The following FGF14 variants were observed in gnomAD, a reference collection of about 807,000 sequenced individuals.
The protein encoded by FGF14 is fibroblast growth factor 14, also known as fibroblast growth factor homologous factor 4.
Under a neutral mutation model 25.5 loss-of-function variants are expected in FGF14, and 5 were observed. The ratio of observed to expected loss-of-function variants is 0.20; its 90% confidence interval spans 0.10 to 0.41. FGF14 has a LOEUF of 0.41. Ranked by LOEUF, FGF14 falls within the 10% of genes least tolerant of loss-of-function variation. The pLI is 1.00. For synonymous variants in FGF14, 138 were observed against 118.3 expected, an observed-to-expected ratio of 1.17 and a Z score of -1.08; for missense variants, 222 against 320.1, an observed-to-expected ratio of 0.69 and a Z score of 2.34.
At chr13:102,361,014 C>T (rs2057549480) in intron 1 of FGF14, among the ~76,000 whole-genome samples, 1 of 151,990 alleles carries the variant, frequency 6.6e-6, no homozygotes, top group African/African-American at 2.4e-5. Flanking sequence ...ATATCCCTGT[C>T]TAAATTGGAG....
At chr13:102,056,089 G>T (rs1301623489) in intron 1 of FGF14, among the ~76,000 whole-genome samples, 1 of 152,200 alleles carries the variant, frequency 6.6e-6, no homozygotes, top group Non-Finnish European at 1.5e-5. Context: ...GATGAGATTT[G>T]GGTGGGGACA....
intron 1 of FGF14, among the ~76,000 whole-genome samples, chr13:101,878,599 A>C (rs925406426): frequency 1.1e-4 from 16 of 152,172 alleles, no homozygotes. Flanking sequence ...ACAAATAACA[A>C]AGATGAGATT....
At chr13:102,112,084 ATT>A (rs1566700233) in intron 1 of FGF14, among the ~76,000 whole-genome samples, 1 of 152,202 alleles carries the variant, frequency 6.6e-6, no homozygotes, top group African/African-American at 2.4e-5. Context: ...TTTATTAAGC[ATT>A]TGTTTATTAA....
intron 1 of FGF14, among the ~76,000 whole-genome samples, chr13:101,903,548 T>C (rs1036779102): frequency 6.6e-6 from 1 of 152,140 alleles, no homozygotes; most frequent in Non-Finnish European, 1.5e-5. Context: ...AGGCTTTTTT[T>C]TTCCTGTCTC....
intron 1 of FGF14, among the ~76,000 whole-genome samples, chr13:102,280,930 C>A (rs559171684): frequency 1.3e-5 from 2 of 152,266 alleles, no homozygotes; most frequent in South Asian, 4.1e-4. Flanking sequence ...GGGAACCTAA[C>A]ATCATAGTTC....
rs116549417 is a variant in FGF14, at chr13:102,353,856, T to C, written c.208+47615A>G. 2.3e-3 allele frequency among the ~76,000 whole-genome samples: 350 copies of C among 152,338 alleles called. 2 individuals are homozygous for C. Among genetic ancestry groups the C allele is most frequent in the African/African-American group, 8.2e-3 (343 of 41,584 alleles). On this transcript the variant is annotated intron_variant, in intron 1 of 4. Transcript: ENST00000376131. ...ACTTCAACCATCAGGCTCTTCTAAG[T>C]TCATTTTGATAGCTATGGGAAGCCT...
intron 1 of FGF14, among the ~76,000 whole-genome samples, chr13:102,150,388 A>T (rs2047032385): frequency 6.6e-6 from 1 of 152,152 alleles, no homozygotes; most frequent in African/African-American, 2.4e-5. Flanking sequence ...AGAGTTTAAT[A>T]TAAAAGACTA....
intron 3 of FGF14, among the ~76,000 whole-genome samples, chr13:101,848,272 G>C (rs768870481): frequency 2.6e-5 from 4 of 151,770 alleles, no homozygotes; most frequent in Non-Finnish European, 4.4e-5. Context: ...TGGATTCTTA[G>C]AGACCCAAAG....
intron 1 of FGF14, among the ~76,000 whole-genome samples, chr13:102,387,482 T>C (rs756535453): frequency 4.1e-5 from 6 of 146,772 alleles, no homozygotes; most frequent in Non-Finnish European, 7.6e-5. Flanking sequence ...CCAAACTGGT[T>C]AAAAAAAAAA....
intron 1 of FGF14, among the ~76,000 whole-genome samples, chr13:102,195,180 A>T (rs2049295481): frequency 6.6e-6 from 1 of 152,212 alleles, no homozygotes; most frequent in African/African-American, 2.4e-5. Context: ...AAATATTAAC[A>T]GCACCAGTAG....
At chr13:101,883,060 AAAACATTT>A (rs1391922140) in intron 1 of FGF14, among the ~76,000 whole-genome samples, 3 of 152,202 alleles carry the variant, frequency 2.0e-5, no homozygotes, top group African/African-American at 7.2e-5. Context: ...CCAGACAGGA[AAAACATTT>A]AAACCAGATG....
intron 1 of FGF14, among the ~76,000 whole-genome samples, chr13:102,209,637 G>C (rs192651089): frequency 6.6e-6 from 1 of 152,184 alleles, no homozygotes; most frequent in East Asian, 1.9e-4. Context: ...TCAGCATCTG[G>C]GAATCATGCT....
intron 1 of FGF14, among the ~76,000 whole-genome samples, chr13:101,905,099 T>G (rs1000861946): frequency 6.6e-6 from 1 of 152,170 alleles, no homozygotes; most frequent in African/African-American, 2.4e-5. Context: ...AAAACTATTG[T>G]CCCATGCATT....
At chr13:102,224,578 A>G (rs1037649447) in intron 1 of FGF14, among the ~76,000 whole-genome samples, 2 of 152,314 alleles carry the variant, frequency 1.3e-5, no homozygotes, top group South Asian at 4.1e-4. Context: ...GACAAAAAAA[A>G]TAATTTTAAA....
intron 1 of FGF14, among the ~76,000 whole-genome samples, chr13:102,310,702 G>GA (rs1555399397): frequency 1.6e-5 from 1 of 61,414 alleles, no homozygotes; most frequent in East Asian, 5.7e-4. Context: ...TGTGTGGGGG[G>GA]GGGGGGGTGG....
In FGF14 at chr13:102,156,642, T is replaced by C. The variant is rs1284587330; in HGVS notation, c.208+244829A>G. Among the ~76,000 whole-genome samples, 6 of 152,148 alleles carry C rather than the reference T, an allele frequency of 3.9e-5. No homozygotes were observed. The South Asian group carries it at 8.3e-4, about 21-fold the overall frequency. ...CTCTCACCACTCCTATTCAACATAGTGTTGGAAGTTCTGGCCAGGGCAATT... is the reference window on the plus strand; with the variant it reads ...CTCTCACCACTCCTATTCAACATAGCGTTGGAAGTTCTGGCCAGGGCAATT... On this transcript the variant is annotated intron_variant, in intron 1 of 4. Coordinates refer to the FGF14 transcript ENST00000376131.
chr13:101,844,734 T>C (rs1406674510), intron 3 of FGF14, among the ~76,000 whole-genome samples: 3 of 152,016 alleles, frequency 2.0e-5, no homozygotes, highest in Non-Finnish European at 4.4e-5. Context: ...ATAATCTCCC[T>C]ATATCACATA....
chr13:102,281,633 T>C (rs1198473043), intron 1 of FGF14, among the ~76,000 whole-genome samples: 1 of 151,992 alleles, frequency 6.6e-6, no homozygotes, highest in Non-Finnish European at 1.5e-5. Context: ...TCACCTCACC[T>C]TGGAATCTTT....
chr13:102,166,154 G>A (rs1271605922), intron 1 of FGF14, among the ~76,000 whole-genome samples: 1 of 148,572 alleles, frequency 6.7e-6, no homozygotes, highest in Non-Finnish European at 1.5e-5. Flanking sequence ...GACTACTCTA[G>A]GTATGTAAGT....
Sources: allele counts gnomAD v4.1 joint callset (sites outside exome capture counted in the v4.1 genomes callset), GRCh38; gene constraint gnomAD v4.1.1; transcripts MANE v1.5; gene names NCBI Gene and HGNC (gene_info 2026-07-23, HGNC 2026-07-21).